The following SPMAP2L variants were observed in gnomAD, a reference collection of about 807,000 sequenced individuals.
SPMAP2L encodes the protein sperm microtubule associated protein 2-like.
the SPMAP2L span, among the ~76,000 whole-genome samples, chr4:56,618,395 C>A: frequency 3.9e-5 from 6 of 152,162 alleles, no homozygotes; most frequent in African/African-American, 1.4e-4. Flanking sequence ...ATTTCTCACG[C>A]TGCTAATGAA....
At chr4:56,602,946 G>T in the SPMAP2L span, among the ~76,000 whole-genome samples, 47 of 152,238 alleles carry the variant, frequency 3.1e-4, no homozygotes, top group African/African-American at 1.1e-3. Flanking sequence ...TCAAGTTCAA[G>T]ACTAAGCAAC....
the SPMAP2L span, chr4:56,603,242 T>G: frequency 1.3e-6 from 2 of 1,534,936 alleles, no homozygotes; most frequent in African/African-American, 2.7e-5. Context: ...ATGATCCAGA[T>G]GTCTTTAAAA....
chr4:56,596,503 C>A, the SPMAP2L span: 1 of 1,518,366 alleles, frequency 6.6e-7, no homozygotes. Context: ...CCCCTAGATG[C>A]AAACCAAGAT....
the SPMAP2L span, among the ~76,000 whole-genome samples, chr4:56,572,303 T>A: frequency 1.3e-5 from 2 of 152,254 alleles, no homozygotes; most frequent in Non-Finnish European, 2.9e-5. Flanking sequence ...TTATGATGGC[T>A]ACAACATCAC....
the SPMAP2L span, among the ~76,000 whole-genome samples, chr4:56,576,516 C>T: frequency 1.3e-5 from 2 of 152,132 alleles, no homozygotes; most frequent in Non-Finnish European, 2.9e-5. Context: ...TGTCCAGTAA[C>T]GGAAAGTGAA....
chr4:56,625,158 G>T, the SPMAP2L span, among the ~76,000 whole-genome samples: 47 of 152,280 alleles, frequency 3.1e-4, no homozygotes, highest in African/African-American at 1.1e-3. Flanking sequence ...TGACTGCCCT[G>T]CTGGGTTTCA....
chr4:56,572,773 T>C, the SPMAP2L span, among the ~76,000 whole-genome samples: 1 of 152,108 alleles, frequency 6.6e-6, no homozygotes, highest in African/African-American at 2.4e-5. Context: ...CCCAGCACTT[T>C]GGGAGGCCAA....
the SPMAP2L span, among the ~76,000 whole-genome samples, chr4:56,578,104 T>A: frequency 6.6e-6 from 1 of 152,202 alleles, no homozygotes; most frequent in Admixed American, 6.5e-5. Flanking sequence ...AAAATGTAAA[T>A]ATGTATATAT....
the SPMAP2L span, among the ~76,000 whole-genome samples, chr4:56,562,786 C>CTTTTTTTTTTTTTTTTTTTTTT: frequency 6.9e-6 from 1 of 145,120 alleles, no homozygotes; most frequent in African/African-American, 2.5e-5. Flanking sequence ...TTTTCTTCGT[C>CTTTTTTTTTTTTTTTTTTTTTT]TTTTTTTTTA....
At chr4:56,546,975 C>A in the SPMAP2L span, among the ~76,000 whole-genome samples, 2 of 152,148 alleles carry the variant, frequency 1.3e-5, no homozygotes, top group Non-Finnish European at 2.9e-5. Flanking sequence ...CATAGCCTGC[C>A]TCCCACTGGA....
chr4:56,576,035 T>C, the SPMAP2L span, among the ~76,000 whole-genome samples: 1 of 151,968 alleles, frequency 6.6e-6, no homozygotes, highest in Non-Finnish European at 1.5e-5. Context: ...AGGTGGTACA[T>C]TTTCCATGGG....
chr4:56,580,412 C>A, the SPMAP2L span, among the ~76,000 whole-genome samples: 1 of 151,876 alleles, frequency 6.6e-6, no homozygotes, highest in Non-Finnish European at 1.5e-5. Flanking sequence ...AAGCATTTGA[C>A]AAAATTCAAG....
the SPMAP2L span, among the ~76,000 whole-genome samples, chr4:56,548,412 A>C: frequency 1.1e-3 from 164 of 152,316 alleles, 1 homozygote; most frequent in Non-Finnish European, 1.8e-3. Flanking sequence ...TAAGACTATT[A>C]ACCCTTTATC....
At chr4:56,556,258 C>T in the SPMAP2L span, among the ~76,000 whole-genome samples, 12,610 of 152,228 alleles carry the variant, frequency 0.083, 595 homozygotes, top group Admixed American at 0.13. Flanking sequence ...TATCCTAACA[C>T]ATTGGCCTTA....
the SPMAP2L span, among the ~76,000 whole-genome samples, chr4:56,563,090 CTT>C: frequency 1.0e-5 from 1 of 98,278 alleles, no homozygotes; most frequent in African/African-American, 4.0e-5. Context: ...GTTGTTAAGG[CTT>C]TTTTTTTTTT....
chr4:56,610,847 C>G, the SPMAP2L span, among the ~76,000 whole-genome samples: 1 of 152,082 alleles, frequency 6.6e-6, no homozygotes, highest in Non-Finnish European at 1.5e-5. Flanking sequence ...GAAAAAAATG[C>G]TCGACATCAC....
the SPMAP2L span, among the ~76,000 whole-genome samples, chr4:56,540,725 G>A: frequency 6.6e-6 from 1 of 152,242 alleles, no homozygotes; most frequent in Non-Finnish European, 1.5e-5. Flanking sequence ...CTACTGACGA[G>A]ATAGGTCAGG....
the SPMAP2L span, among the ~76,000 whole-genome samples, chr4:56,618,633 C>T: frequency 6.6e-6 from 1 of 152,132 alleles, no homozygotes; most frequent in Admixed American, 6.5e-5. Context: ...TGAAGGTTAC[C>T]GCCCCCATGA....
chr4:56,538,292 T>C, the SPMAP2L span, among the ~76,000 whole-genome samples: 1 of 150,158 alleles, frequency 6.7e-6, no homozygotes, highest in South Asian at 2.1e-4. Context: ...TATACTTGCC[T>C]GCTTCAGAGT....
Sources: allele counts gnomAD v4.1 joint callset (sites outside exome capture counted in the v4.1 genomes callset), GRCh38; gene constraint gnomAD v4.1.1; transcripts MANE v1.5; gene names NCBI Gene and HGNC (gene_info 2026-07-23, HGNC 2026-07-21).